The following CASZ1 variants were observed in gnomAD, a reference collection of about 807,000 sequenced individuals.
CASZ1 encodes castor zinc finger 1, also known as zinc finger protein castor homolog 1.
Under a neutral mutation model 135.2 loss-of-function variants are expected in CASZ1, and 28 were observed. The ratio of observed to expected loss-of-function variants is 0.21; its 90% CI spans 0.15 to 0.28. The LOEUF (loss-of-function observed/expected upper bound fraction) is 0.28. Among genes scored for constraint, CASZ1 ranks in the 10% least tolerant of loss-of-function variants. The pLI is 1.00. For missense variants in CASZ1, 2,161 were observed against 2,453.3 expected, an observed-to-expected ratio of 0.88 and a Z score of 2.52; for synonymous variants, 1,068 against 1,073.4, an observed-to-expected ratio of 0.99 and a Z score of 0.10.
In CASZ1 at chr1:10,646,641, A is replaced by C. The variant is rs1642371285; in HGVS notation, c.3498-315T>G. Among the ~76,000 whole-genome samples, 1 of 152,226 alleles carries C rather than the reference A, an allele frequency of 6.6e-6. No homozygotes were observed. The highest frequency in any genetic ancestry group is 6.5e-5 in the Admixed American group (1 of 15,294). On this transcript the variant is annotated intron_variant, in intron 16 of 20. Coordinates refer to ENST00000377022, the MANE Select transcript of CASZ1 (RefSeq NM_001079843.3). This position sits in a 1 kb window ranked among gnomAD's most constrained non-coding sequence, Gnocchi z 6.4. ...ATTATAGATAAGGATGGCTGTAATA[A>C]CTTCTTGGATCGGAAAATAAGGATG...
rs1640358601 is a variant in CASZ1 at position 10,760,824 on chromosome 1, G to A, written c.-200C>T. 1 of 152,270 alleles carries A rather than the reference G, an allele frequency of 6.6e-6. No homozygotes were observed. Among genetic ancestry groups the A allele is most frequent in the African/African-American group, 2.4e-5 (1 of 41,444 alleles). The allele number at this position is 152,270 out of a possible 1,614,324, so 9.4% of individuals were successfully genotyped here. On this transcript the variant is annotated 5_prime_UTR_variant, in exon 2 of 21. Transcript: ENST00000377022. The stretch of plus-strand genomic sequence containing the variant: ...AGCTGGGAGGGCAGGTGGGATGGAG[G>A]AGTCTTTGCCTTCAGTCAGCAAGGT...
intron 1 of CASZ1, among the ~76,000 whole-genome samples, chr1:10,793,756 C>A (rs1172533867): frequency 2.6e-5 from 4 of 151,916 alleles, no homozygotes; most frequent in Non-Finnish European, 5.9e-5. Context: ...TCCAATTCGC[C>A]GGACTCTGGG....
rs549993841 is a variant in CASZ1 at position 10,740,855 on chromosome 1, G to A, written c.-77+19846C>T. On this transcript the variant is annotated intron_variant, in intron 2 of 20. Coordinates refer to ENST00000377022, the MANE Select transcript of CASZ1 (RefSeq NM_001079843.3). ...CACCTGTAGTTCTGGCTCCTTGGGA[G>A]GCTAAAGTGGGAGGATTACTTGAGC... is the stretch of plus-strand genomic sequence containing the variant. 7.3e-5 allele frequency among the ~76,000 whole-genome samples: 11 copies of A among 151,112 alleles called. No individual in the cohort carries two copies. The East Asian group carries it at 1.8e-3, about 24-fold the overall frequency.
chr1:10,753,763 T>C (rs1429031598), intron 2 of CASZ1, among the ~76,000 whole-genome samples: 1 of 152,126 alleles, frequency 6.6e-6, no homozygotes, highest in African/African-American at 2.4e-5. Flanking sequence ...AGAGAGTGCA[T>C]TCAAGAAGGG....
Position 10,645,083 on chromosome 1 carries a change from G to A in CASZ1, c.3702C>T (p.Cys1234=), listed in dbSNP as rs763084471. ...GGTAGTGCCCACGCATTCGGAACTCGCAGTGCTGCAGGGAGACACGGGAGG... is the reference window on the plus strand; with the variant it reads ...GGTAGTGCCCACGCATTCGGAACTCACAGTGCTGCAGGGAGACACGGGAGG... The part of the protein sequence containing the change: ...SLQCLCPNQH[C]EFRMRGHYHC... Residue 1234 remains cysteine, a synonymous_variant, in exon 18 of 21, where the codon TGC becomes TGT. Transcript: ENST00000377022. The A allele has an allele frequency of 1.2e-5, 19 of 1,613,406 alleles. No individual in the cohort carries two copies. The highest frequency in any genetic ancestry group is 1.6e-4 in the Middle Eastern group (1 of 6,076).
At position 10,702,779 on chromosome 1, in the gene CASZ1, T is replaced by C. The variant is rs1268581447; in HGVS notation, c.-24+2713A>G. Among the ~76,000 whole-genome samples, 6 of 152,206 alleles carry C rather than the reference T, an allele frequency of 3.9e-5. 1 individual carries two copies. The highest frequency in any genetic ancestry group is 3.3e-4 in the Admixed American group (5 of 15,296). ...GCAAGAGAGATGTCAATGGGGCCGA[T>C]GGGAGAAGGGGCTTGTTGACTGCAA... On this transcript the variant is annotated intron_variant, in intron 3 of 20. Coordinates refer to ENST00000377022, the MANE Select transcript of CASZ1 (RefSeq NM_001079843.3).
At position 10,757,086 on chromosome 1, in the gene CASZ1, A is replaced by G. The variant is rs912183991; in HGVS notation, c.-77+3615T>C. On this transcript the variant is annotated intron_variant, in intron 2 of 20. Transcript: ENST00000377022. The surrounding 1 kb of genome is among the most constrained non-coding windows in gnomAD (Gnocchi z 4.6). ...CCTGAAAACGGTGTCGGAGAGAAGC[A>G]GTTCCCTCCGCAAGGAGCCCGACCC... 6.6e-5 allele frequency among the ~76,000 whole-genome samples: 10 copies of G among 152,136 alleles called. No individual in the cohort carries two copies. The highest frequency in any genetic ancestry group is 2.2e-4 in the African/African-American group (9 of 41,426).
In CASZ1 at chr1:10,694,440, G is replaced by C; in HGVS notation, c.-23-528C>G. The C allele has an allele frequency of 2.5e-6, 1 of 398,830 alleles. No individual in the cohort carries two copies. The highest frequency in any genetic ancestry group is 4.7e-5 in the Admixed American group (1 of 21,300). 24.7% of individuals were successfully genotyped at this position (398,830 alleles called of 1,614,324 possible). A position where few individuals can be genotyped will look rare whatever the true frequency, so the allele number is the denominator to read the frequency against. ...CATTGCTCCTGCCGGTAACACTCAG[G>C]GTAACAGTTTGGCAGGAGGGAGCGG... On this transcript the variant is annotated intron_variant, in intron 3 of 20. Transcript: ENST00000377022. The surrounding 1 kb of genome is among the most constrained non-coding windows in gnomAD (Gnocchi z 6.6).
rs1557534269 is a variant in CASZ1 at position 10,725,639 on chromosome 1, A to G, written c.-76-20095T>C. Among the ~76,000 whole-genome samples, 2 of 152,046 alleles carry G rather than the reference A, an allele frequency of 1.3e-5. No homozygotes were observed. Among genetic ancestry groups the G allele is most frequent in the African/African-American group, 4.8e-5 (2 of 41,368 alleles). On this transcript the variant is annotated intron_variant, in intron 2 of 20. Transcript: ENST00000377022. The surrounding 1 kb of genome is among the most constrained non-coding windows in gnomAD (Gnocchi z 4.4). ...TGAAACTGGAGTTCATTCAGCTACC[A>G]TGTTACAATCCAGTCACACTCCAGG...
chr1:10,705,157 C>T (rs1404751985), intron 3 of CASZ1, among the ~76,000 whole-genome samples: 3 of 152,252 alleles, frequency 2.0e-5, no homozygotes, highest in Non-Finnish European at 4.4e-5. Context: ...ACTGTGAGAG[C>T]GGGCACCGCA....
intron 7 of CASZ1, 155 bp downstream of exon 7, chr1:10,658,353 C>T: frequency 1.6e-6 from 1 of 641,672 alleles, no homozygotes; most frequent in South Asian, 1.8e-5. Flanking sequence ...TGCAGGGCAG[C>T]CCTCGGTGCG....
chr1:10,716,013 A>G (rs1462380006), intron 2 of CASZ1, among the ~76,000 whole-genome samples: 1,023 of 77,444 alleles, frequency 0.013, 36 homozygotes, highest in African/African-American at 0.05. Context: ...CACCCAATCC[A>G]CACCCCACAG....
In CASZ1 at chr1:10,755,676, C is replaced by T. The variant is rs1640240019; in HGVS notation, c.-77+5025G>A. ...GGAGAACGGAGGAAGGAGGCCCAGG[C>T]TGGGGTTCGGCACCACCAGGTGGAA... On this transcript the variant is annotated intron_variant, in intron 2 of 20. Transcript: ENST00000377022. This position sits in a 1 kb window ranked among gnomAD's most constrained non-coding sequence, Gnocchi z 4.3. Among the ~76,000 whole-genome samples the T allele has an allele frequency of 6.6e-6, 1 of 152,128 alleles. No homozygotes were observed. The highest frequency in any genetic ancestry group is 6.5e-5 in the Admixed American group (1 of 15,274).
rs1212133401 is a variant in CASZ1 at position 10,657,063 on chromosome 1, G to GC, written c.1410-328dup. Among the ~76,000 whole-genome samples, 1 of 152,208 alleles carries GC rather than the reference G, an allele frequency of 6.6e-6. No homozygotes were observed. Among genetic ancestry groups the GC allele is most frequent in the Non-Finnish European group, 1.5e-5 (1 of 68,018 alleles). On this transcript the variant is annotated intron_variant, in intron 7 of 20. Coordinates refer to ENST00000377022, the MANE Select transcript of CASZ1 (RefSeq NM_001079843.3). The surrounding 1 kb of genome is among the most constrained non-coding windows in gnomAD (Gnocchi z 5.7). ...CCTGTCTTTTCTGCAGGGGCTACCT[G>GC]CCCCACTCCCAGCCCGCCCAGTTCT...
In CASZ1 at chr1:10,711,496, G is replaced by A. The variant is rs554617915; in HGVS notation, c.-76-5952C>T. Among the ~76,000 whole-genome samples, 9 of 150,960 alleles carry A rather than the reference G, an allele frequency of 6.0e-5. No homozygotes were observed. Among genetic ancestry groups the A allele is most frequent in the Non-Finnish European group, 1.3e-4 (9 of 67,936 alleles). On this transcript the variant is annotated intron_variant, in intron 2 of 20. Transcript: ENST00000377022. This position sits in a 1 kb window ranked among gnomAD's most constrained non-coding sequence, Gnocchi z 4.4. ...GCTCAATAAATATGGCCTCTTATTA[G>A]TTTCCAGGGTCCCTGCCTTTAAGAA...
chr1:10,718,671 C>T (rs1639439354), intron 2 of CASZ1, among the ~76,000 whole-genome samples: 1 of 152,326 alleles, frequency 6.6e-6, no homozygotes, highest in South Asian at 2.1e-4. Context: ...ACAGTCACCT[C>T]CATGCTTTAG....
chr1:10,696,495 G>A (rs1042058312), intron 3 of CASZ1, among the ~76,000 whole-genome samples: 2 of 152,250 alleles, frequency 1.3e-5, no homozygotes, highest in Non-Finnish European at 2.9e-5. Flanking sequence ...CTCAGAGAGG[G>A]CATCTGTGTC....
At chr1:10,733,912 G>A (rs1419863908) in intron 2 of CASZ1, among the ~76,000 whole-genome samples, 2 of 152,170 alleles carry the variant, frequency 1.3e-5, no homozygotes, top group African/African-American at 4.8e-5. Flanking sequence ...TGCAGCTAAA[G>A]GGCGTGGCAC....
rs1640659288 is a variant in CASZ1, at chr1:10,776,216, G to GCCT, written c.-233-15360_-233-15359insAGG. Among the ~76,000 whole-genome samples, 1 of 152,222 alleles carries GCCT rather than the reference G, an allele frequency of 6.6e-6. No individual in the cohort carries two copies. ...ACAGCGTCTTGTATCCAGGGGAAGA[G>GCCT]CTAAAATTAACATAGAGCGAGCAGT... On this transcript the variant is annotated intron_variant, in intron 1 of 20. Coordinates refer to ENST00000377022, the MANE Select transcript of CASZ1 (RefSeq NM_001079843.3). This position sits in a 1 kb window ranked among gnomAD's most constrained non-coding sequence, Gnocchi z 4.1.
Sources: allele counts gnomAD v4.1 joint callset (sites outside exome capture counted in the v4.1 genomes callset), GRCh38; gene constraint gnomAD v4.1.1; non-coding constraint Gnocchi (gnomAD v3.1); transcripts MANE v1.5; gene names NCBI Gene and HGNC (gene_info 2026-07-23, HGNC 2026-07-21).